ASAP2: variants seen among roughly 807,000 people sequenced by gnomAD.
The protein encoded by ASAP2 is ArfGAP with SH3 domain, ankyrin repeat and PH domain 2.
Under a neutral mutation model 131.4 loss-of-function variants are expected in ASAP2, and 45 were observed. The ratio of observed to expected loss-of-function variants is 0.34; its 90% CI spans 0.27 to 0.44. ASAP2 has a LOEUF of 0.44. Ranked by LOEUF, ASAP2 falls within the 20% of genes least tolerant of loss-of-function variation. The pLI is 1.00. For missense variants in ASAP2, 1,011 were observed against 1,297.0 expected, an observed-to-expected ratio of 0.78 and a Z score of 3.39; for synonymous variants, 510 against 503.0, an observed-to-expected ratio of 1.01 and a Z score of -0.19.
intron 1 of ASAP2, among the ~76,000 whole-genome samples, chr2:9,273,551 T>C (rs547224369): frequency 6.6e-6 from 1 of 152,364 alleles, no homozygotes; most frequent in Non-Finnish European, 1.5e-5. Context: ...ACTGGAATTT[T>C]ATTATTATTC....
intron 9 of ASAP2, among the ~76,000 whole-genome samples, chr2:9,337,793 C>T (rs1671312586): frequency 6.6e-6 from 1 of 152,174 alleles, no homozygotes; most frequent in South Asian, 2.1e-4. Context: ...ACTGGCCATT[C>T]ATGTTTTGTT....
At chr2:9,328,674 G>A (rs912979865) in intron 7 of ASAP2, among the ~76,000 whole-genome samples, 3 of 152,160 alleles carry the variant, frequency 2.0e-5, no homozygotes, top group Non-Finnish European at 4.4e-5. Flanking sequence ...TCTGACCCAC[G>A]TCTCTGACCT....
chr2:9,216,989 A>C (rs1008247900), intron 1 of ASAP2, among the ~76,000 whole-genome samples: 1 of 152,148 alleles, frequency 6.6e-6, no homozygotes, highest in Non-Finnish European at 1.5e-5. Context: ...TAACTCATTT[A>C]GTTATTATCA....
rs534714941 is a variant in ASAP2 at position 9,244,413 on chromosome 2, G to A, written c.127-34904G>A. Among the ~76,000 whole-genome samples, 4 of 152,350 alleles carry A rather than the reference G, an allele frequency of 2.6e-5. No homozygotes were observed. The East Asian group carries it at 7.7e-4, about 29-fold the overall frequency. The stretch of plus-strand genomic sequence containing the variant: ...ATGCTTGTCTTTGGAAGATTAAGTG[G>A]ATGTTAATCTAAGCAAAGTGGATTC... On this transcript the variant is annotated intron_variant, in intron 1 of 27. Coordinates refer to ENST00000281419, the MANE Select transcript of ASAP2 (RefSeq NM_003887.3).
intron 1 of ASAP2, among the ~76,000 whole-genome samples, chr2:9,242,208 A>C (rs1572232292): frequency 6.6e-6 from 1 of 152,142 alleles, no homozygotes; most frequent in Non-Finnish European, 1.5e-5. Context: ...CCGTGATCTT[A>C]GGGGCGCATG....
intron 1 of ASAP2, among the ~76,000 whole-genome samples, chr2:9,219,296 T>C (rs531553154): frequency 6.6e-6 from 1 of 152,318 alleles, no homozygotes; most frequent in East Asian, 1.9e-4. Context: ...ATTTGCCCTG[T>C]GATTCGGTTG....
intron 9 of ASAP2, among the ~76,000 whole-genome samples, chr2:9,341,962 C>T (rs1008754585): frequency 6.6e-6 from 1 of 152,148 alleles, no homozygotes; most frequent in African/African-American, 2.4e-5. Context: ...TGGAGAGTGC[C>T]TCCGCATGTT....
intron 2 of ASAP2, among the ~76,000 whole-genome samples, chr2:9,280,879 T>C (rs1261040462): frequency 1.3e-5 from 2 of 152,262 alleles, no homozygotes; most frequent in African/African-American, 2.4e-5. Flanking sequence ...CAACTGATTC[T>C]CCTTATACAA....
At chr2:9,379,133 T>A in intron 19 of ASAP2, 74 bp downstream of exon 19, 1 of 1,101,086 alleles carries the variant, frequency 9.1e-7, no homozygotes, top group Non-Finnish European at 1.2e-6. Flanking sequence ...ATCCAAGCGC[T>A]GCTCTTGGAA....
intron 1 of ASAP2, among the ~76,000 whole-genome samples, chr2:9,228,940 A>G (rs1052159867): frequency 2.6e-5 from 4 of 151,980 alleles, no homozygotes; most frequent in African/African-American, 9.7e-5. Context: ...AGCACCCCTC[A>G]CGGGCCAACT....
chr2:9,241,636 A>G (rs566838313), intron 1 of ASAP2, among the ~76,000 whole-genome samples: 2 of 152,334 alleles, frequency 1.3e-5, no homozygotes, highest in South Asian at 4.1e-4. Flanking sequence ...GTCTCAAACC[A>G]GGCTCAAACA....
intron 11 of ASAP2, among the ~76,000 whole-genome samples, chr2:9,346,726 AGGG>A (rs1671991169): frequency 6.6e-6 from 1 of 152,228 alleles, no homozygotes; most frequent in Admixed American, 6.5e-5. Flanking sequence ...TCTGAAGTCA[AGGG>A]GCATATTTGC....
chr2:9,263,607 C>T (rs180880424), intron 1 of ASAP2, among the ~76,000 whole-genome samples: 139 of 152,266 alleles, frequency 9.1e-4, no homozygotes, highest in African/African-American at 2.4e-3. Flanking sequence ...AGCCATGGGG[C>T]GCTCCCACCG....
chr2:9,302,395 A>T (rs1668557113), intron 3 of ASAP2, among the ~76,000 whole-genome samples: 1 of 146,956 alleles, frequency 6.8e-6, no homozygotes, highest in Middle Eastern at 3.8e-3. Context: ...CTGGTCTTGA[A>T]TTCCTGACCT....
Position 9,388,489 on chromosome 2 carries a change from C to A in ASAP2, c.2326C>A (p.Pro776Thr), listed in dbSNP as rs756776792. The change falls in exon 22 of 28, where the codon CCT becomes ACT. Residue 776 changes from proline (P) to threonine (T), a missense_variant. Transcript: ENST00000281419. ...GAGTGGCAGCCCACCTCCCGCCCAG[C>A]CTGCAGCCCCCAGCACCACCAGCGC... is the stretch of plus-strand genomic sequence containing the variant. The part of the protein sequence containing the change: ...LLSGSPPPAQ[P>T]AAPSTTSAPP... 2 of 1,613,950 alleles carry A rather than the reference C, an allele frequency of 1.2e-6. No individual in the cohort carries two copies. Among genetic ancestry groups the A allele is most frequent in the South Asian group, 2.2e-5 (2 of 91,034 alleles).
At chr2:9,368,304 A>G in intron 15 of ASAP2, 121 bp from the exon 16 acceptor site, 1 of 901,046 alleles carries the variant, frequency 1.1e-6, no homozygotes, top group Non-Finnish European at 1.7e-6. Context: ...TTAAAGGCAA[A>G]CCACTTTATT....
intron 12 of ASAP2, among the ~76,000 whole-genome samples, chr2:9,353,768 G>T (rs888174049): frequency 6.6e-6 from 1 of 152,106 alleles, no homozygotes; most frequent in Non-Finnish European, 1.5e-5. Flanking sequence ...CCTACAAGAT[G>T]TTCCTTTACC....
intron 3 of ASAP2, among the ~76,000 whole-genome samples, chr2:9,310,984 G>A (rs1669256087): frequency 1.3e-5 from 2 of 151,952 alleles, no homozygotes; most frequent in South Asian, 4.2e-4. Flanking sequence ...ATTTCTACTT[G>A]TGAGATCACA....
intron 1 of ASAP2, among the ~76,000 whole-genome samples, chr2:9,269,514 G>A (rs988088984): frequency 2.0e-5 from 3 of 152,194 alleles, no homozygotes; most frequent in African/African-American, 7.2e-5. Flanking sequence ...CCAAGAAGAG[G>A]TAGAGGAGCC....
Sources: gnomAD v4.1 joint callset for allele counts (sites outside exome capture counted in the v4.1 genomes callset) on GRCh38, gnomAD v4.1.1 for gene constraint, MANE v1.5 for transcripts, NCBI Gene and HGNC (gene_info 2026-07-23, HGNC 2026-07-21) for gene names.